KRT78: variants seen among roughly 807,000 people sequenced by gnomAD.
The protein encoded by KRT78 is keratin 78.
In KRT78, 55 loss-of-function variants were observed where a neutral mutation model predicts 51.4. The ratio of observed to expected loss-of-function variants is 1.07; its 90% CI spans 0.86 to 1.34. The LOEUF is 1.34. Ranked by LOEUF, KRT78 falls within the 40% of genes most tolerant of loss-of-function variation. The probability of loss-of-function intolerance (pLI) is 0.00; values close to 1 mark genes in which losing one functional copy is unlikely to be tolerated. For missense variants in KRT78, 652 were observed against 649.4 expected (o/e 1.00, Z -0.04); for synonymous variants, 291 against 264.3 (o/e 1.10, Z -0.98).
At position 52,844,641 on chromosome 12, in the gene KRT78, C is replaced by A. The variant is rs747227528; in HGVS notation, c.839G>T (p.Ser280Ile). ...MDNNRYLDFS[S>I]IITEVRARYE... ...CCGGGCGCGGACCTCAGTGATGATGCTGCTGAAGTCCAGGTAGCGGTTGTT... is the reference window on the plus strand; with the variant it reads ...CCGGGCGCGGACCTCAGTGATGATGATGCTGAAGTCCAGGTAGCGGTTGTT... The change falls in exon 5 of 9, where the codon AGC becomes ATC. Residue 280 changes from serine (S) to isoleucine (I), a missense_variant. Ser to Ile is a moderately radical substitution (Grantham distance 142, BLOSUM62 -2). Coordinates refer to ENST00000304620, the MANE Select transcript of KRT78 (RefSeq NM_173352.4). The A allele has an allele frequency of 1.1e-5, 17 of 1,614,044 alleles. No homozygotes were observed. The Middle Eastern group carries it at 4.9e-4, about 47-fold the overall frequency.
Position 52,844,690 on chromosome 12 carries a change from T to C in KRT78, c.790A>G (p.Thr264Ala), listed in dbSNP as rs1294409108. 3.1e-6 allele frequency: 5 copies of C among 1,613,438 alleles called. No individual in the cohort carries two copies. The highest frequency in any genetic ancestry group is 3.4e-6 in the Non-Finnish European group (4 of 1,179,598). Residue 264 changes from threonine to alanine, a missense_variant, in exon 5 of 9, where the codon ACG becomes GCG. Coordinates refer to ENST00000304620, the MANE Select transcript of KRT78 (RefSeq NM_173352.4). Reference protein sequence around the residue: ...LGQLQTQASDTSVVLSMDNNR... With the variant: ...LGQLQTQASDASVVLSMDNNR... ...TTGTCCATGGACAGCACCACAGACG[T>C]GTCGCTGGCCTGGGTCTGGAGCTGG...
At chr12:52,845,930 G>A in intron 4 of KRT78, 1 of 422,408 alleles carries the variant, frequency 2.4e-6, no homozygotes, top group Admixed American at 3.9e-5. Context: ...TCCAGCCTGG[G>A]CAACTGAGCA....
rs1420111282 is a variant in KRT78, at chr12:52,839,227, C to T, written c.1449G>A (p.Gly483=). Residue 483 remains glycine (G), a synonymous_variant, in exon 9 of 9, where the codon GGG becomes GGA. Transcript: ENST00000304620. Reference sequence around the variant, plus strand: ...AGCAGGAATCCAAAACAGGGTCCTTCCCAGAGCCCAGAATGATGTTGGAGC... The same window carrying T: ...AGCAGGAATCCAAAACAGGGTCCTTTCCAGAGCCCAGAATGATGTTGGAGC... The part of the protein sequence containing the change: ...TGGSNIILGS[G]KDPVLDSCSV... 1.9e-6 allele frequency: 3 copies of T among 1,611,746 alleles called. No homozygotes were observed. The South Asian group carries it at 3.3e-5, about 18-fold the overall frequency.
At chr12:52,844,449 G>A (rs1029555823) in intron 5 of KRT78, 110 bp downstream of exon 5, 7 of 1,337,618 alleles carry the variant, frequency 5.2e-6, no homozygotes, top group Admixed American at 4.3e-5. Flanking sequence ...CAGACCTTCA[G>A]GGAGGTAACT....
rs1316769993 is a variant in KRT78 at position 52,848,873 on chromosome 12, C to A, written c.58G>T (p.Ala20Ser). 6.2e-7 allele frequency: 1 copy of A among 1,608,366 alleles called. No homozygotes were observed. Among genetic ancestry groups the A allele is most frequent in the Non-Finnish European group, 8.5e-7 (1 of 1,177,760 alleles). Residue 20 changes from alanine to serine, a missense_variant, in exon 1 of 9, where the codon GCT (alanine) becomes TCT (serine). By Grantham distance (99) the Ala-to-Ser change is moderately conservative (BLOSUM62 1). Transcript: ENST00000304620. ...CCCCTGCTGCGGCCCCTTGAGCGAGCAGAACAGGCTGAGCGAGCGCTGAAG... is the reference window on the plus strand; with the variant it reads ...CCCCTGCTGCGGCCCCTTGAGCGAGAAGAACAGGCTGAGCGAGCGCTGAAG... The part of the protein sequence containing the change: ...RGFSARSACS[A>S]RSRGRSRGGF...
intron 6 of KRT78, among the ~76,000 whole-genome samples, chr12:52,842,063 A>G (rs1940512375): frequency 6.6e-6 from 1 of 152,238 alleles, no homozygotes; most frequent in Non-Finnish European, 1.5e-5. Flanking sequence ...AAGGGGTCCA[A>G]ATTTGTTGGT....
chr12:52,844,127 C>T lies in KRT78; in HGVS notation c.1013G>A (p.Arg338Lys). 6.2e-7 allele frequency: 1 copy of T among 1,613,066 alleles called. No homozygotes were observed. The highest frequency in any genetic ancestry group is 1.1e-5 in the South Asian group (1 of 90,888). ...QISQLHQEIQ[R>K]LQSQTENLKK... ...GAGGTTCTCAGTCTGACTCTGCAGC[C>T]TCTGAATCTCTTGGTGTAGCTGAGA... is the stretch of plus-strand genomic sequence containing the variant. Residue 338 changes from arginine to lysine, a missense_variant, in exon 6 of 9, where the codon AGG (arginine) becomes AAG (lysine). By Grantham distance (26) the Arg-to-Lys change is conservative. Coordinates refer to ENST00000304620, the MANE Select transcript of KRT78 (RefSeq NM_173352.4).
intron 6 of KRT78, among the ~76,000 whole-genome samples, chr12:52,840,375 A>G (rs1940465146): frequency 6.6e-6 from 1 of 152,128 alleles, no homozygotes; most frequent in Non-Finnish European, 1.5e-5. Context: ...AAGAGAGAAC[A>G]CAGAGACAGA....
At chr12:52,848,289 A>C (rs1940695438) in intron 1 of KRT78, 168 bp from the exon 2 acceptor site, 1 of 1,537,478 alleles carries the variant, frequency 6.5e-7, no homozygotes, top group Non-Finnish European at 8.7e-7. Context: ...TGAACACAAC[A>C]AAATGACTGG....
At chr12:52,842,959 G>GAGAAAGGAAGGA (rs1299063277) in intron 6 of KRT78, among the ~76,000 whole-genome samples, 3 of 53,756 alleles carry the variant, frequency 5.6e-5, no homozygotes, top group East Asian at 6.6e-4. Context: ...GAGAGAGAGA[G>GAGAAAGGAAGGA]AGGAAGGAAG....
At chr12:52,841,868 C>A (rs1940508257) in intron 6 of KRT78, among the ~76,000 whole-genome samples, 1 of 152,168 alleles carries the variant, frequency 6.6e-6, no homozygotes, top group South Asian at 2.1e-4. Context: ...ACCCAGGTAC[C>A]CAGTACACAT....
At chr12:52,847,232 C>T (rs928302923) in intron 2 of KRT78, among the ~76,000 whole-genome samples, 1 of 152,188 alleles carries the variant, frequency 6.6e-6, no homozygotes, top group Non-Finnish European at 1.5e-5. Context: ...ACCTTCCTTC[C>T]TCCACCTCAC....
chr12:52,839,495 GA>G lies in KRT78; in HGVS notation c.1269-9del. The G allele has an allele frequency of 3.2e-6, 5 of 1,586,444 alleles. No individual in the cohort carries two copies. Among genetic ancestry groups the G allele is most frequent in the South Asian group, 1.1e-5 (1 of 87,232 alleles). ...GTGCACTCCCCAGACATCCTAGGGG[GA>G]AAAGGACAAGAGGGGGATGCGCTAA... On this transcript the variant is annotated splice_polypyrimidine_tract_variant and intron_variant, in intron 7 of 8. Transcript: ENST00000304620.
At position 52,848,268 on chromosome 12, in the gene KRT78, C is replaced by T. The variant is rs11170288; in HGVS notation, c.385-147G>A. The T allele has an allele frequency of 5.0e-3, 7,717 of 1,539,834 alleles. 29 individuals are homozygous for T. The highest frequency in any genetic ancestry group is 6.0e-3 in the Non-Finnish European group (6,874 of 1,146,822). On this transcript the variant is annotated intron_variant, in intron 1 of 8. Transcript: ENST00000304620. ...TGGGCAGGGGAAGCCTCATGACCTT[C>T]CATGACACTCTGAACACAACAAAAT...
intron 4 of KRT78, 102 bp from the exon 5 acceptor site, chr12:52,844,825 G>T: frequency 8.7e-7 from 1 of 1,151,410 alleles, no homozygotes; most frequent in South Asian, 1.5e-5. Flanking sequence ...TACATGCCAT[G>T]ACCCCCATTC....
intron 2 of KRT78, 45 bp downstream of exon 2, chr12:52,847,862 C>A (rs772940749): frequency 1.1e-5 from 17 of 1,581,056 alleles, no homozygotes; most frequent in Non-Finnish European, 1.1e-5. Context: ...ACTGAGTCAT[C>A]CCAGACCCCG....
rs2120379676 is a variant in KRT78, at chr12:52,839,263, A to G, written c.1413T>C (p.Ile471=). The G allele has an allele frequency of 6.2e-7, 1 of 1,612,464 alleles. No individual in the cohort carries two copies. Among genetic ancestry groups the G allele is most frequent in the Non-Finnish European group, 8.5e-7 (1 of 1,179,316 alleles). The part of the protein sequence containing the change: ...KGSPGSCCTS[I]VTGGSNIILG... ...GAATGATGTTGGAGCCTCCAGTCAC[A>G]ATGCTGGTGCAGCAGGACCCAGGGC... The change falls in exon 9 of 9, where the codon ATT becomes ATC. Residue 471 remains isoleucine (I), a synonymous_variant. Transcript: ENST00000304620.
intron 5 of KRT78, 25 bp from the exon 6 acceptor site, chr12:52,844,243 C>T (rs1199352910): frequency 1.9e-6 from 3 of 1,568,054 alleles, no homozygotes; most frequent in Non-Finnish European, 2.6e-6. Context: ...GAGGGGACAC[C>T]ATTAGTTGAG....
intron 3 of KRT78, 145 bp downstream of exon 3, chr12:52,846,619 T>C (rs930078141): frequency 5.2e-6 from 4 of 766,398 alleles, no homozygotes; most frequent in African/African-American, 3.5e-5. Context: ...TAGGCAGATG[T>C]CCCATTTTCC....
Sources: allele counts gnomAD v4.1 joint callset (sites outside exome capture counted in the v4.1 genomes callset), GRCh38; gene constraint gnomAD v4.1.1; transcripts MANE v1.5; gene names NCBI Gene and HGNC (gene_info 2026-07-23, HGNC 2026-07-21).